The following NKAIN3 variants were observed in gnomAD, a reference collection of about 807,000 sequenced individuals.
NKAIN3 encodes sodium/potassium transporting ATPase interacting 3, also known as sodium/potassium-transporting ATPase subunit beta-1-interacting protein 3.
NKAIN3 carries 25 observed loss-of-function variants against 30.2 expected under a neutral mutation model. That is an observed-to-expected ratio of 0.83 (90% CI 0.60 to 1.16). The LOEUF (loss-of-function observed/expected upper bound fraction) is 1.16, where lower values mean the gene tolerates loss of function less well. Ranked by LOEUF, NKAIN3 falls within the 50% of genes most tolerant of loss-of-function variation. The probability of loss-of-function intolerance (pLI) is 0.00; values close to 1 mark genes in which losing one functional copy is unlikely to be tolerated. For missense variants in NKAIN3, 225 were observed against 254.1 expected (o/e 0.89, Z 0.78); for synonymous variants, 91 against 89.6 (o/e 1.02, Z -0.09).
At chr8:62,648,030 AG>A in intron 3 of NKAIN3, among the ~76,000 whole-genome samples, 1 of 152,248 alleles carries the variant, frequency 6.6e-6, no homozygotes, top group East Asian at 1.9e-4. Flanking sequence ...AGTAGGAAAG[AG>A]TGAGGGACCA....
intron 2 of NKAIN3, among the ~76,000 whole-genome samples, chr8:62,581,102 C>CA (rs1416846998): frequency 5.1e-5 from 4 of 78,550 alleles, no homozygotes; most frequent in African/African-American, 2.7e-4. Flanking sequence ...AACCTTGTCT[C>CA]AAAAAAATAT....
intron 1 of NKAIN3, among the ~76,000 whole-genome samples, chr8:62,387,607 G>A (rs1817468221): frequency 6.6e-6 from 1 of 152,108 alleles, no homozygotes; most frequent in African/African-American, 2.4e-5. Context: ...TGTTAATTAG[G>A]ATCCTACTCC....
At chr8:62,866,667 T>C (rs1225065029) in intron 4 of NKAIN3, among the ~76,000 whole-genome samples, 1 of 152,188 alleles carries the variant, frequency 6.6e-6, no homozygotes, top group Non-Finnish European at 1.5e-5. Flanking sequence ...CATTTATCCA[T>C]ATGCCTTTGC....
At chr8:62,809,392 G>C (rs980044955) in intron 4 of NKAIN3, among the ~76,000 whole-genome samples, 1 of 152,206 alleles carries the variant, frequency 6.6e-6, no homozygotes, top group Non-Finnish European at 1.5e-5. Context: ...TATGTTTAGA[G>C]ATTGTAGTAA....
rs534625629 is a variant in NKAIN3 at position 62,288,871 on chromosome 8, T to G, written c.54+39744T>G. ...ACAGTCCCACCAACAGTGTAAAAGC[T>G]TTCCTATTTCTCCACATCCTCCCCA... On this transcript the variant is annotated intron_variant, in intron 1 of 6. Transcript: ENST00000623646. Among the ~76,000 whole-genome samples the G allele has an allele frequency of 3.0e-3, 463 of 152,174 alleles. 4 individuals carry two copies. Among genetic ancestry groups the G allele is most frequent in the African/African-American group, 0.01 (429 of 41,544 alleles).
chr8:62,795,890 G>A (rs1156930858), intron 4 of NKAIN3, among the ~76,000 whole-genome samples: 2 of 152,088 alleles, frequency 1.3e-5, no homozygotes, highest in Non-Finnish European at 2.9e-5. Flanking sequence ...ATGCATGTGT[G>A]TATGTATGAA....
intron 1 of NKAIN3, among the ~76,000 whole-genome samples, chr8:62,419,741 T>G (rs1804571954): frequency 6.6e-6 from 1 of 151,930 alleles, no homozygotes; most frequent in Non-Finnish European, 1.5e-5. Flanking sequence ...ATAGGAAGAG[T>G]CTTCCTATTT....
chr8:62,583,474 CA>C (rs1455041024), intron 2 of NKAIN3, among the ~76,000 whole-genome samples: 1 of 152,140 alleles, frequency 6.6e-6, no homozygotes, highest in Non-Finnish European at 1.5e-5. Context: ...AAGAAAGCAA[CA>C]AATTTGTGTG....
At chr8:62,397,517 GC>G (rs1324870399) in intron 1 of NKAIN3, among the ~76,000 whole-genome samples, 1 of 152,072 alleles carries the variant, frequency 6.6e-6, no homozygotes, top group Non-Finnish European at 1.5e-5. Context: ...AATAGAGGTT[GC>G]CTCTAATTGC....
intron 1 of NKAIN3, among the ~76,000 whole-genome samples, chr8:62,558,400 T>C (rs1206841036): frequency 6.6e-6 from 1 of 152,148 alleles, no homozygotes; most frequent in Non-Finnish European, 1.5e-5. Context: ...GGCTCTTTTT[T>C]GGTTCCATAT....
chr8:62,961,868 G>C (rs1485270528), intron 6 of NKAIN3, among the ~76,000 whole-genome samples: 1 of 152,118 alleles, frequency 6.6e-6, no homozygotes, highest in Admixed American at 6.6e-5. Context: ...AGATGAGAAA[G>C]AAATTTCATT....
chr8:62,951,806 T>G (rs1421011657), intron 5 of NKAIN3, among the ~76,000 whole-genome samples: 4 of 151,980 alleles, frequency 2.6e-5, no homozygotes, highest in Non-Finnish European at 5.9e-5. Flanking sequence ...TTATTTTATT[T>G]TTATTATTTT....
At chr8:62,931,479 A>G (rs1436740709) in intron 5 of NKAIN3, among the ~76,000 whole-genome samples, 2 of 152,320 alleles carry the variant, frequency 1.3e-5, no homozygotes, top group Middle Eastern at 3.4e-3. Flanking sequence ...TATTAACACT[A>G]TATGGGATTA....
At chr8:62,704,958 G>A (rs1257589628) in intron 3 of NKAIN3, among the ~76,000 whole-genome samples, 1 of 152,110 alleles carries the variant, frequency 6.6e-6, no homozygotes, top group Non-Finnish European at 1.5e-5. Context: ...GTTTTCTTTA[G>A]GAGGGGTTTT....
At chr8:62,710,346 C>T (rs1410997752) in intron 3 of NKAIN3, among the ~76,000 whole-genome samples, 1 of 152,036 alleles carries the variant, frequency 6.6e-6, no homozygotes, top group African/African-American at 2.4e-5. Context: ...TTATTTGTTG[C>T]TGTCTATCTC....
At chr8:62,524,020 G>T (rs1191855166) in intron 1 of NKAIN3, among the ~76,000 whole-genome samples, 1 of 151,932 alleles carries the variant, frequency 6.6e-6, no homozygotes, top group Non-Finnish European at 1.5e-5. Context: ...TGGTCCTCAA[G>T]GATGATGATG....
chr8:62,641,542 GACA>G (rs1362646557), intron 3 of NKAIN3, among the ~76,000 whole-genome samples: 1 of 152,090 alleles, frequency 6.6e-6, no homozygotes, highest in Non-Finnish European at 1.5e-5. Context: ...TGGTTGGGAG[GACA>G]ACCAGCAGTC....
chr8:62,404,869 C>T (rs200160433), intron 1 of NKAIN3, among the ~76,000 whole-genome samples: 13 of 152,136 alleles, frequency 8.5e-5, no homozygotes, highest in South Asian at 2.1e-4. Flanking sequence ...TAGGTCACAC[C>T]GAAAGCAAGC....
At position 62,859,507 on chromosome 8, in the gene NKAIN3, C is replaced by CGAAAAAAAAAAAAAAAAAAAAAA. The variant is rs1563597734; in HGVS notation, c.472-58946_472-58945insGAAAAAAAAAAAAAAAAAAAAAA. 3.0e-4 allele frequency among the ~76,000 whole-genome samples: 3 copies of CGAAAAAAAAAAAAAAAAAAAAAA among 9,934 alleles called. 1 individual carries two copies. Among genetic ancestry groups the CGAAAAAAAAAAAAAAAAAAAAAA allele is most frequent in the Admixed American group, 2.0e-3 (2 of 1,020 alleles). The allele number at this position is 9,934 out of a possible 152,430, so 6.5% of individuals were successfully genotyped here. On this transcript the variant is annotated intron_variant, in intron 4 of 6. Transcript: ENST00000623646. ...AACTTTTTCTATACTCTTACTTCAA[C>CGAAAAAAAAAAAAAAAAAAAAAA]TAAAAAAAAAAAAACTTCATGGAAG...
Sources: allele counts gnomAD v4.1 joint callset (sites outside exome capture counted in the v4.1 genomes callset), GRCh38; gene constraint gnomAD v4.1.1; transcripts MANE v1.5; gene names NCBI Gene and HGNC (gene_info 2026-07-23, HGNC 2026-07-21).